Variants in DTNA observed in about 807,000 individuals in gnomAD.
DTNA encodes dystrobrevin alpha.
DTNA carries 43 observed loss-of-function variants against 100.7 expected under a neutral mutation model. The observed-to-expected ratio is 0.43, with a 90% CI of 0.33 to 0.55. DTNA has a LOEUF of 0.55. DTNA is among the 20% of genes least tolerant of loss of function. DTNA has a pLI of 0.04. For missense variants in DTNA, 798 were observed against 953.9 expected (o/e 0.84, Z 2.15); for synonymous variants, 349 against 347.9 (o/e 1.00, Z -0.04).
rs531580053 is a variant in DTNA, at chr18:34,570,966, T to C, written c.-2+77452T>C. ...TGTAAGCACCTCTGAGTATTTACCATGTATCAGGCACAGTACTAAGTGCTT... is the reference window on the plus strand; with the variant it reads ...TGTAAGCACCTCTGAGTATTTACCACGTATCAGGCACAGTACTAAGTGCTT... On this transcript the variant is annotated intron_variant, in intron 1 of 19. Coordinates refer to the DTNA transcript ENST00000283365. 2.1e-4 allele frequency among the ~76,000 whole-genome samples: 32 copies of C among 152,302 alleles called. No individual in the cohort carries two copies. The South Asian group carries it at 6.4e-3, about 31-fold the overall frequency.
intron 1 of DTNA, among the ~76,000 whole-genome samples, chr18:34,602,893 C>G (rs1302079385): frequency 6.6e-6 from 1 of 151,574 alleles, no homozygotes. Flanking sequence ...ATGCTAGCTA[C>G]TGAGGAGACT....
At chr18:34,510,522 T>C (rs2040958040) in intron 1 of DTNA, among the ~76,000 whole-genome samples, 1 of 151,992 alleles carries the variant, frequency 6.6e-6, no homozygotes, top group African/African-American at 2.4e-5. Context: ...TAGGAGTCAG[T>C]ATTTTATAAT....
At chr18:34,726,145 T>G (rs2086633301) in intron 1 of DTNA, among the ~76,000 whole-genome samples, 1 of 151,940 alleles carries the variant, frequency 6.6e-6, no homozygotes, top group Non-Finnish European at 1.5e-5. Flanking sequence ...ATACCTAATG[T>G]AAATGACGAG....
At chr18:34,592,237 G>T (rs1329868861) in intron 1 of DTNA, among the ~76,000 whole-genome samples, 2 of 152,062 alleles carry the variant, frequency 1.3e-5, no homozygotes, top group African/African-American at 4.8e-5. Flanking sequence ...AAGTTGTGTG[G>T]TCTGTAGAAT....
chr18:34,545,014 C>G (rs2044624993), intron 1 of DTNA, among the ~76,000 whole-genome samples: 1 of 152,020 alleles, frequency 6.6e-6, no homozygotes, highest in African/African-American at 2.4e-5. Context: ...GGTAGCTATC[C>G]TTGTCCAGCA....
At chr18:34,718,958 T>A (rs1307223866) in intron 1 of DTNA, among the ~76,000 whole-genome samples, 1 of 152,178 alleles carries the variant, frequency 6.6e-6, no homozygotes, top group African/African-American at 2.4e-5. Flanking sequence ...TTCTAAGTAC[T>A]TTTTGTTTAA....
intron 1 of DTNA, among the ~76,000 whole-genome samples, chr18:34,697,844 G>A: frequency 6.6e-6 from 1 of 152,152 alleles, no homozygotes; most frequent in East Asian, 1.9e-4. Flanking sequence ...AAGGCAGTCA[G>A]GCATGGGCAC....
At chr18:34,510,725 C>T (rs2040994696) in intron 1 of DTNA, among the ~76,000 whole-genome samples, 1 of 151,208 alleles carries the variant, frequency 6.6e-6, no homozygotes, top group African/African-American at 2.4e-5. Context: ...TATCTAAAAC[C>T]CATTCTAGAG....
chr18:34,550,908 A>G (rs1004201025), intron 1 of DTNA, among the ~76,000 whole-genome samples: 2 of 152,310 alleles, frequency 1.3e-5, no homozygotes, highest in South Asian at 2.1e-4. Flanking sequence ...ATTTATTCCT[A>G]TAACTATTCA....
intron 3 of DTNA, among the ~76,000 whole-genome samples, chr18:34,773,270 A>G (rs1387081856): frequency 6.6e-6 from 1 of 152,254 alleles, no homozygotes; most frequent in African/African-American, 2.4e-5. Flanking sequence ...AGTATGTGAC[A>G]CCATGCACCA....
chr18:34,794,152 T>C lies in DTNA; in HGVS notation c.264T>C (p.Ile88=), dbSNP rs776672964. Residue 88 remains isoleucine, a synonymous_variant, in exon 4 of 23, where the codon ATT becomes ATC. Coordinates refer to ENST00000444659, the MANE Select transcript of DTNA (RefSeq NM_001386795.1). ...GCTTAGAGGCTGTGCTCTCCACTATTTTTTACCAGCTCAACAAACGGATGC... is the reference window on the plus strand; with the variant it reads ...GCTTAGAGGCTGTGCTCTCCACTATCTTTTACCAGCTCAACAAACGGATGC... ...VSRLEAVLST[I]FYQLNKRMPT... 27 of 1,614,006 alleles carry C rather than the reference T, an allele frequency of 1.7e-5. No individual in the cohort carries two copies. The highest frequency in any genetic ancestry group is 1.9e-5 in the Non-Finnish European group (22 of 1,180,006).
chr18:34,841,406 G>T (rs975967670), intron 13 of DTNA, among the ~76,000 whole-genome samples: 2 of 152,220 alleles, frequency 1.3e-5, no homozygotes, highest in Admixed American at 6.5e-5. Flanking sequence ...AACAGGAATG[G>T]TGATTCTTAA....
chr18:34,684,887 T>C (rs2078653107), intron 1 of DTNA, among the ~76,000 whole-genome samples: 1 of 152,234 alleles, frequency 6.6e-6, no homozygotes, highest in African/African-American at 2.4e-5. Context: ...TTTGCATTTC[T>C]CTAATGACCA....
intron 1 of DTNA, among the ~76,000 whole-genome samples, chr18:34,752,383 T>C (rs970858551): frequency 6.6e-6 from 1 of 152,214 alleles, no homozygotes; most frequent in East Asian, 1.9e-4. Flanking sequence ...GCAGTGAGAA[T>C]GTAGTCAGGC....
chr18:34,729,111 C>G (rs2087463957), intron 1 of DTNA, among the ~76,000 whole-genome samples: 1 of 152,156 alleles, frequency 6.6e-6, no homozygotes, highest in African/African-American at 2.4e-5. Context: ...ATGTCAATGT[C>G]AATGGCAGGA....
At chr18:34,785,732 G>A (rs577705982) in intron 3 of DTNA, among the ~76,000 whole-genome samples, 7 of 152,126 alleles carry the variant, frequency 4.6e-5, no homozygotes, top group Admixed American at 4.6e-4. Flanking sequence ...AAATCTAAAA[G>A]GAGAGAAAAT....
intron 1 of DTNA, among the ~76,000 whole-genome samples, chr18:34,753,361 A>ATTTTTTTTTTTTTTTT (rs751756097): frequency 1.0e-5 from 1 of 96,906 alleles, no homozygotes; most frequent in African/African-American, 5.3e-5. Flanking sequence ...TTATTTATTT[A>ATTTTTTTTTTTTTTTT]TTTTATTTTT....
chr18:34,684,598 C>G (rs2078604449), intron 1 of DTNA, among the ~76,000 whole-genome samples: 1 of 152,130 alleles, frequency 6.6e-6, no homozygotes, highest in Admixed American at 6.6e-5. Context: ...AATAGTGCTG[C>G]AATAAACATA....
intron 4 of DTNA, among the ~76,000 whole-genome samples, chr18:34,797,055 A>G (rs1203225533): frequency 6.6e-6 from 1 of 152,216 alleles, no homozygotes; most frequent in East Asian, 1.9e-4. Flanking sequence ...CTCAGAAGAT[A>G]TGATAACTAC....
Sources: allele counts gnomAD v4.1 joint callset (sites outside exome capture counted in the v4.1 genomes callset), GRCh38; gene constraint gnomAD v4.1.1; transcripts MANE v1.5; gene names NCBI Gene and HGNC (gene_info 2026-07-23, HGNC 2026-07-21).